Variants in ATG2B observed in about 807,000 individuals in gnomAD.
ATG2B encodes the protein autophagy-related protein 2 homolog B.
ATG2B carries 121 observed loss-of-function variants against 241.3 expected under a neutral mutation model. The ratio of observed to expected loss-of-function variants is 0.50; its 90% CI spans 0.43 to 0.58. The LOEUF (loss-of-function observed/expected upper bound fraction) is 0.58, where lower values mean the gene tolerates loss of function less well. Ranked by LOEUF, ATG2B falls within the 20% of genes least tolerant of loss-of-function variation. The pLI, the probability that ATG2B is intolerant of heterozygous loss-of-function variation, is 0.00. For synonymous variants in ATG2B, 858 were observed against 876.6 expected, an observed-to-expected ratio of 0.98 and a Z score of 0.37; for missense variants, 2,306 against 2,491.6, an observed-to-expected ratio of 0.93 and a Z score of 1.59.
intron 6 of ATG2B, among the ~76,000 whole-genome samples, chr14:96,340,752 A>G (rs1888010860): frequency 6.6e-6 from 1 of 151,988 alleles, no homozygotes; most frequent in African/African-American, 2.4e-5. Context: ...GTCTCTACAA[A>G]AAACATAATA....
intron 1 of ATG2B, among the ~76,000 whole-genome samples, chr14:96,362,595 C>T (rs1888687695): frequency 6.6e-6 from 1 of 152,138 alleles, no homozygotes; most frequent in African/African-American, 2.4e-5. Flanking sequence ...GTGTAGATTC[C>T]ATTACATCTG....
intron 34 of ATG2B, among the ~76,000 whole-genome samples, chr14:96,299,165 C>T (rs768916335): frequency 2.6e-5 from 4 of 152,142 alleles, no homozygotes; most frequent in African/African-American, 9.7e-5. Flanking sequence ...GCAGAATGGT[C>T]TCCCAGTCCC....
At chr14:96,311,989 T>C in intron 26 of ATG2B, 100 bp downstream of exon 26, 1 of 848,902 alleles carries the variant, frequency 1.2e-6, no homozygotes, top group Non-Finnish European at 1.9e-6. Flanking sequence ...AATAAGATTC[T>C]TAGTTCACTA....
intron 2 of ATG2B, 90 bp from the exon 3 acceptor site, chr14:96,345,475 C>A (rs1236645905): frequency 1.1e-4 from 106 of 990,746 alleles, no homozygotes; most frequent in Non-Finnish European, 1.4e-4. Context: ...TAGACAAATT[C>A]TTAATCTTTT....
Position 96,306,823 on chromosome 14 carries a change from C to A in ATG2B, c.4397G>T (p.Gly1466Val), listed in dbSNP as rs146341899. ...GTGAGAGAATGAGGCATAGGTGGGG[C>A]CGGACTCCTGGGATACATTCCCACT... is the stretch of plus-strand genomic sequence containing the variant. The part of the protein sequence containing the change: ...DESGNVSQES[G>V]PTYASFSHHF... The change falls in exon 30 of 42, where the codon GGC (glycine) becomes GTC (valine). Residue 1466 changes from glycine to valine, a missense_variant. Coordinates refer to ENST00000359933, the MANE Select transcript of ATG2B (RefSeq NM_018036.7). 3.4e-4 allele frequency: 546 copies of A among 1,613,992 alleles called. 7 individuals are homozygous for A. The South Asian group carries it at 5.2e-3, about 15-fold the overall frequency.
chr14:96,350,431 C>T (rs1307643988), intron 1 of ATG2B, among the ~76,000 whole-genome samples: 1 of 152,100 alleles, frequency 6.6e-6, no homozygotes, highest in Non-Finnish European at 1.5e-5. Flanking sequence ...CAAAAGCTAA[C>T]AAGAAGTCAA....
Position 96,313,159 on chromosome 14 carries a change from T to TA in ATG2B, c.3750-3dup. The TA allele has an allele frequency of 1.2e-6, 2 of 1,607,446 alleles. No individual in the cohort carries two copies. Among genetic ancestry groups the TA allele is most frequent in the South Asian group, 1.1e-5 (1 of 90,700 alleles). Reference sequence around the variant, plus strand: ...GATCGGATTGGCAAATAAAGGGGTCTAATGCCAAAGAGAAACAAAAGAACA... The same window carrying TA: ...GATCGGATTGGCAAATAAAGGGGTCTAAATGCCAAAGAGAAACAAAAGAACA... On this transcript the variant is annotated splice_polypyrimidine_tract_variant and splice_region_variant and intron_variant, in intron 24 of 41. Coordinates refer to ENST00000359933, the MANE Select transcript of ATG2B (RefSeq NM_018036.7).
At chr14:96,319,359 T>A (rs1209414995) in intron 18 of ATG2B, among the ~76,000 whole-genome samples, 3 of 152,208 alleles carry the variant, frequency 2.0e-5, no homozygotes, top group Non-Finnish European at 4.4e-5. Flanking sequence ...TCACCATGAC[T>A]CTGTGTCTAT....
intron 18 of ATG2B, 34 bp downstream of exon 18, chr14:96,322,078 T>A: frequency 6.9e-7 from 1 of 1,451,706 alleles, no homozygotes; most frequent in Admixed American, 2.7e-5. Context: ...GAAAATCTGA[T>A]TCCAAAGATT....
chr14:96,311,430 T>C lies in ATG2B; in HGVS notation c.3990+112A>G, dbSNP rs1214055158. ...AGTATTTAAATAAATCCATTTTTAA[T>C]ATACTTACTCTATTTCTGACCAAAA... is the stretch of plus-strand genomic sequence containing the variant. On this transcript the variant is annotated intron_variant, in intron 27 of 41. Transcript: ENST00000359933. 3.4e-6 allele frequency: 4 copies of C among 1,162,010 alleles called. No homozygotes were observed. In the African/African-American group the frequency reaches 6.3e-5, roughly 18 times the overall value. 72.0% of individuals were successfully genotyped at this position (1,162,010 alleles called of 1,614,324 possible).
chr14:96,301,990 AC>A lies in ATG2B; in HGVS notation c.5139+16del. On this transcript the variant is annotated intron_variant, in intron 34 of 41. Transcript: ENST00000359933. ...TAATCTAACTGTAACGGCAGGAATC[AC>A]GCTCATGCTACAAACCTGGTCAATA... is the stretch of plus-strand genomic sequence containing the variant. 2 of 1,582,558 alleles carry A rather than the reference AC, an allele frequency of 1.3e-6. No homozygotes were observed. Among genetic ancestry groups the A allele is most frequent in the Non-Finnish European group, 1.7e-6 (2 of 1,153,188 alleles).
At chr14:96,359,056 A>G (rs1027851790) in intron 1 of ATG2B, among the ~76,000 whole-genome samples, 2 of 152,162 alleles carry the variant, frequency 1.3e-5, no homozygotes, top group East Asian at 3.8e-4. Context: ...GCAGCAATCG[A>G]AACATTCTTA....
chr14:96,285,477 C>G lies in ATG2B; in HGVS notation c.*278G>C. On this transcript the variant is annotated 3_prime_UTR_variant, in exon 42 of 42. Coordinates refer to ENST00000359933, the MANE Select transcript of ATG2B (RefSeq NM_018036.7). This position sits in a 1 kb window ranked among gnomAD's most constrained non-coding sequence, Gnocchi z 4.2. ...CTCTCGTCGGTAACAAGGAGAATTA[C>G]AGTCATCTTAACAAAAGTGAGCCTT... 2.3e-6 allele frequency: 1 copy of G among 434,266 alleles called. No homozygotes were observed. Among genetic ancestry groups the G allele is most frequent in the South Asian group, 2.7e-5 (1 of 36,594 alleles). The allele number at this position is 434,266 out of a possible 1,614,324, so 26.9% of individuals were successfully genotyped here.
chr14:96,348,087 T>G (rs945032493), intron 1 of ATG2B, among the ~76,000 whole-genome samples: 3 of 152,210 alleles, frequency 2.0e-5, no homozygotes, highest in African/African-American at 4.8e-5. Context: ...GCAACCTAAG[T>G]GTCCATTAAC....
intron 1 of ATG2B, 118 bp from the exon 2 acceptor site, chr14:96,347,459 A>G: frequency 1.5e-6 from 1 of 689,092 alleles, no homozygotes. Context: ...AAGAAAGCAG[A>G]GACTTCCACA....
Position 96,322,253 on chromosome 14 carries a change from A to T in ATG2B, c.2738T>A (p.Met913Lys). ...TTCTACAGGGTCTCCTGGCATCACCATCTAAAACATAATAGTTCAGTGCAA... is the reference window on the plus strand; with the variant it reads ...TTCTACAGGGTCTCCTGGCATCACCTTCTAAAACATAATAGTTCAGTGCAA... The part of the protein sequence containing the change: ...SRRVMFENEQ[M>K]VMPGDPVEMT... The change falls in exon 18 of 42, where the codon ATG (methionine) becomes AAG (lysine). Residue 913 changes from methionine to lysine, a missense_variant and splice_region_variant. By Grantham distance (95) the Met-to-Lys change is moderately conservative. Transcript: ENST00000359933. 6.3e-7 allele frequency: 1 copy of T among 1,588,610 alleles called. No individual in the cohort carries two copies.
At position 96,322,182 on chromosome 14, in the gene ATG2B, G is replaced by C; in HGVS notation, c.2809C>G (p.Leu937Val). 1 of 1,587,452 alleles carries C rather than the reference G, an allele frequency of 6.3e-7. No individual in the cohort carries two copies. Among genetic ancestry groups the C allele is most frequent in the Non-Finnish European group, 8.5e-7 (1 of 1,171,520 alleles). ...DKAISNSHYV[L>V]ELTLPNIYVT... Reference sequence around the variant, plus strand: ...TAAATATTTGGTAACGTAAGTTCCAGCACATAGTGAGAATTGCTGATTGCT... The same window carrying C: ...TAAATATTTGGTAACGTAAGTTCCACCACATAGTGAGAATTGCTGATTGCT... The change falls in exon 18 of 42, where the codon CTG becomes GTG. Residue 937 changes from leucine to valine, a missense_variant. Around this residue, in one of 2 missense-constraint regions of ATG2B, gnomAD observed 1,927 missense variants for 2,011.2 expected, o/e 0.96. Transcript: ENST00000359933.
chr14:96,317,856 C>A lies in ATG2B; in HGVS notation c.2880-1G>T. ...CCACAGTAGCAAGTCATTAAAGATCCTATAAAGACAAAAGTTGAAAAATAA... is the reference window on the plus strand; with the variant it reads ...CCACAGTAGCAAGTCATTAAAGATCATATAAAGACAAAAGTTGAAAAATAA... On this transcript the variant is annotated splice_acceptor_variant, in intron 18 of 41. Transcript: ENST00000359933. LOFTEE classifies it high-confidence loss of function. 1 of 1,583,618 alleles carries A rather than the reference C, an allele frequency of 6.3e-7. No individual in the cohort carries two copies. The highest frequency in any genetic ancestry group is 1.2e-5 in the South Asian group (1 of 85,232).
chr14:96,302,362 T>A lies in ATG2B; in HGVS notation c.5038-254A>T, dbSNP rs534384787. Among the ~76,000 whole-genome samples, 5 of 152,140 alleles carry A rather than the reference T, an allele frequency of 3.3e-5. No individual in the cohort carries two copies. The South Asian group carries it at 1.0e-3, about 32-fold the overall frequency. ...ACTTTGGGAGGCTAAGGTGGGAGGA[T>A]TACTTGAGTTCAGGAGTTCCAGACC... On this transcript the variant is annotated intron_variant, in intron 33 of 41. Transcript: ENST00000359933.
Sources: allele counts gnomAD v4.1 joint callset (sites outside exome capture counted in the v4.1 genomes callset), GRCh38; gene constraint gnomAD v4.1.1; regional missense constraint gnomAD v4.1.1; non-coding constraint Gnocchi (gnomAD v3.1); transcripts MANE v1.5; gene names NCBI Gene and HGNC (gene_info 2026-07-23, HGNC 2026-07-21).